TPM1: variants seen among roughly 807,000 people sequenced by gnomAD.
TPM1 encodes the protein tropomyosin alpha-1 chain.
A neutral mutation model predicts 42.9 loss-of-function variants in TPM1; 24 were observed. That is an observed-to-expected ratio of 0.56 (90% CI 0.41 to 0.79). The LOEUF is 0.79. Ranked by LOEUF, TPM1 falls within the 30% of genes least tolerant of loss-of-function variation. The pLI is 0.00. For missense variants in TPM1, 158 were observed against 351.8 expected (o/e 0.45, Z 4.41); for synonymous variants, 136 against 130.1 (o/e 1.05, Z -0.31).
chr15:63,064,744 T>A, intron 9 of TPM1: 1 of 838,528 alleles, frequency 1.2e-6, no homozygotes, highest in Non-Finnish European at 1.4e-6. Flanking sequence ...GGCGGGCGGA[T>A]CACGAGGTCA....
chr15:63,067,561 A>G (rs529668011), downstream of TPM1, among the ~76,000 whole-genome samples: 3 of 152,312 alleles, frequency 2.0e-5, no homozygotes, highest in East Asian at 5.8e-4. Flanking sequence ...TGTTTTGGAA[A>G]TCCTTCCAGA....
At chr15:63,064,975 AAAG>A in intron 9 of TPM1, 1 of 985,120 alleles carries the variant, frequency 1.0e-6, no homozygotes, top group Non-Finnish European at 1.2e-6. Flanking sequence ...TCAAGAAAAA[AAAG>A]AATGGTAGAG....
At chr15:63,048,357 C>T (rs1311670123) in intron 2 of TPM1, 4 of 1,252,436 alleles carry the variant, frequency 3.2e-6, no homozygotes, top group African/African-American at 3.2e-5. Context: ...GGCGCGCGCC[C>T]CTCCCAGCCG....
At chr15:63,064,959 T>A (rs2036115808) in intron 9 of TPM1, 1 of 979,138 alleles carries the variant, frequency 1.0e-6, no homozygotes, top group African/African-American at 1.7e-5. Flanking sequence ...AGAGCGAGAC[T>A]CTGTCTCAAG....
chr15:63,064,105 G>A lies in TPM1; in HGVS notation c.814G>A (p.Glu272Lys), dbSNP rs755226348. 3 of 1,614,002 alleles carry A rather than the reference G, an allele frequency of 1.9e-6. No homozygotes were observed. Among genetic ancestry groups the A allele is most frequent in the African/African-American group, 2.7e-5 (2 of 74,920 alleles). Residue 272 changes from glutamate to lysine, a missense_variant, in exon 9 of 10, where the codon GAG (glutamate) becomes AAG (lysine). By Grantham distance (56) the Glu-to-Lys change is moderately conservative (BLOSUM62 1). This residue lies in a region of TPM1 where 64 missense variants were observed against 95.8 expected (regional missense o/e 0.67). Coordinates refer to ENST00000403994, the MANE Select transcript of TPM1 (RefSeq NM_001018005.2). ...GAAACTGAAGTACAAAGCCATCAGC[G>A]AGGAGCTGGACCACGCTCTCAACGA... ...AQKLKYKAIS[E>K]ELDHALNDMT...
rs77362326 is a variant in TPM1 at position 63,061,666 on chromosome 15, C to T, written c.564-47C>T. 0.01 allele frequency: 16,339 copies of T among 1,569,676 alleles called. 176 individuals carry two copies. Among genetic ancestry groups the T allele is most frequent in the South Asian group, 0.042 (3,819 of 90,074 alleles). ...TCCCTCTCCTTTTTCTCTCCTCCTT[C>T]CTTTGGCTTGTCTCCCACCCTTTCT... is the stretch of plus-strand genomic sequence containing the variant. On this transcript the variant is annotated intron_variant, in intron 5 of 9. Transcript: ENST00000403994.
downstream of TPM1, chr15:63,066,244 G>T: frequency 8.5e-7 from 1 of 1,182,908 alleles, no homozygotes; most frequent in Non-Finnish European, 1.1e-6. Flanking sequence ...AATTATATCA[G>T]GAGTTTCTAA....
chr15:63,042,818 G>A lies in TPM1; in HGVS notation c.-12G>A, dbSNP rs2031418087. Reference sequence around the variant, plus strand: ...TCCTGCTGCAGCCCCAGGGCCCCTCGCCGCCGCCACCATGGACGCCATCAA... The same window carrying A: ...TCCTGCTGCAGCCCCAGGGCCCCTCACCGCCGCCACCATGGACGCCATCAA... On this transcript the variant is annotated 5_prime_UTR_variant, in exon 1 of 10. Coordinates refer to ENST00000403994, the MANE Select transcript of TPM1 (RefSeq NM_001018005.2). 2 of 1,609,990 alleles carry A rather than the reference G, an allele frequency of 1.2e-6. No homozygotes were observed. The highest frequency in any genetic ancestry group is 4.5e-5 in the East Asian group (2 of 44,778).
At chr15:63,060,975 G>A (rs768288703) in intron 5 of TPM1, 36 bp downstream of exon 5, 2 of 1,611,584 alleles carry the variant, frequency 1.2e-6, no homozygotes, top group East Asian at 2.2e-5. Context: ...CACGAATGGG[G>A]TGCTGCAGAG....
At chr15:63,052,373 A>G (rs928317728) in intron 2 of TPM1, among the ~76,000 whole-genome samples, 1 of 152,152 alleles carries the variant, frequency 6.6e-6, no homozygotes, top group African/African-American at 2.4e-5. Flanking sequence ...AAATACAGCA[A>G]TTAGCCGAGC....
downstream of TPM1, chr15:63,070,807 G>C (rs190272500): frequency 4.0e-6 from 5 of 1,240,718 alleles, no homozygotes; most frequent in Non-Finnish European, 5.1e-6. Flanking sequence ...CACACCGTCA[G>C]TGAACCTTCA....
Position 63,061,723 on chromosome 15 carries a change from G to T in TPM1, c.574G>T (p.Glu192Ter). 6.2e-7 allele frequency: 1 copy of T among 1,613,884 alleles called. No individual in the cohort carries two copies. Among genetic ancestry groups the T allele is most frequent in the Non-Finnish European group, 8.5e-7 (1 of 1,179,956 alleles). ...RAELSEGKCA[E>*]LEEELKTVTN... is the part of the protein sequence containing the mutation. ...GATCGAAAACATTAGCAAATGTGCC[G>T]AGCTTGAAGAAGAATTGAAAACTGT... Residue 192 changes from glutamate to a stop codon, truncating the protein, a stop_gained, in exon 6 of 10, where the codon GAG becomes TAG. Transcript: ENST00000403994. LOFTEE classifies it high-confidence loss of function.
At chr15:63,046,435 AT>A (rs1442680537) in intron 2 of TPM1, 1 of 152,330 alleles carries the variant, frequency 6.6e-6, no homozygotes, top group East Asian at 1.9e-4. Context: ...GGATTAGGAC[AT>A]TTCATTGTCA....
chr15:63,059,963 A>C (rs2035389176), intron 4 of TPM1: 1 of 357,966 alleles, frequency 2.8e-6, no homozygotes, highest in Non-Finnish European at 5.5e-6. Flanking sequence ...TTTGGCCGGA[A>C]GGGAGAGTTG....
chr15:63,065,751 A>G (rs2036208224), intron 9 of TPM1, 145 bp from the exon 10 acceptor site: 1 of 1,380,596 alleles, frequency 7.2e-7, no homozygotes, highest in Admixed American at 2.3e-5. Flanking sequence ...TGTCCTTCCA[A>G]GGGTGTGGCT....
intron 1 of TPM1, 56 bp from the exon 2 acceptor site, chr15:63,043,971 G>T (rs2031826699): frequency 6.3e-7 from 1 of 1,589,070 alleles, no homozygotes; most frequent in Non-Finnish European, 8.6e-7. Context: ...TCCCCTTCGG[G>T]ATCACGCTGC....
At chr15:63,046,765 T>C (rs1486800987) in intron 2 of TPM1, 2 of 152,648 alleles carry the variant, frequency 1.3e-5, no homozygotes, top group Admixed American at 1.3e-4. Context: ...TTAGGGATTC[T>C]CAACCTTCTC....
intron 2 of TPM1, among the ~76,000 whole-genome samples, chr15:63,050,978 G>A (rs2033740096): frequency 6.6e-6 from 1 of 152,168 alleles, no homozygotes; most frequent in Admixed American, 6.5e-5. Context: ...CCCTTACCTT[G>A]GAAAAAGCAG....
At chr15:63,070,951 G>A, downstream of TPM1, 18 of 1,495,828 alleles carry the variant, frequency 1.2e-5, no homozygotes, top group Non-Finnish European at 1.6e-5. Context: ...GTCTAGAAAT[G>A]AGTAATGTCT....
Sources: allele counts gnomAD v4.1 joint callset (sites outside exome capture counted in the v4.1 genomes callset), GRCh38; gene constraint gnomAD v4.1.1; regional missense constraint gnomAD v4.1.1; transcripts MANE v1.5; gene names NCBI Gene and HGNC (gene_info 2026-07-23, HGNC 2026-07-21).